Variants in DMXL1 observed in about 807,000 individuals in gnomAD.
DMXL1 encodes the protein Dmx like 1, also known as dmX-like protein 1.
A neutral mutation model predicts 319.2 loss-of-function variants in DMXL1; 99 were observed. The ratio of observed to expected loss-of-function variants is 0.31; its 90% CI spans 0.26 to 0.37. The LOEUF (loss-of-function observed/expected upper bound fraction) is 0.37, where lower values mean the gene tolerates loss of function less well. Among genes scored for constraint, DMXL1 ranks in the 10% least tolerant of loss-of-function variants. DMXL1 has a pLI of 1.00. For synonymous variants in DMXL1, 1,385 were observed against 1,235.2 expected (o/e 1.12, Z -2.54); for missense variants, 3,745 against 3,595.6 (o/e 1.04, Z -1.06).
intron 13 of DMXL1, among the ~76,000 whole-genome samples, chr5:119,134,942 G>C (rs1176852576): frequency 1.3e-5 from 2 of 152,104 alleles, no homozygotes; most frequent in Admixed American, 1.3e-4. Flanking sequence ...TTTTTCTTTT[G>C]GTATCCCCAG....
At chr5:119,171,378 T>A in intron 24 of DMXL1, 98 bp downstream of exon 24, 1 of 1,263,674 alleles carries the variant, frequency 7.9e-7, no homozygotes, top group Non-Finnish European at 1.1e-6. Flanking sequence ...TTTTCTTTAT[T>A]ACGGTTGCTT....
intron 9 of DMXL1, among the ~76,000 whole-genome samples, chr5:119,124,601 C>G (rs1763085102): frequency 7.9e-6 from 1 of 126,146 alleles, no homozygotes; most frequent in South Asian, 2.6e-4. Flanking sequence ...GAGTCTTGCT[C>G]TGTCGCCAAG....
chr5:119,121,871 C>CAATCTCGG (rs1762138613), intron 9 of DMXL1, among the ~76,000 whole-genome samples: 12 of 149,934 alleles, frequency 8.0e-5, no homozygotes, highest in Non-Finnish European at 1.5e-4. Flanking sequence ...GGCAGAGGCG[C>CAATCTCGG]CCCTCACCTC....
At chr5:119,175,144 A>G in intron 25 of DMXL1, 117 bp from the exon 26 acceptor site, 1 of 612,966 alleles carries the variant, frequency 1.6e-6, no homozygotes, top group Non-Finnish European at 2.7e-6. Context: ...TAGTTCATGA[A>G]GGCAAAGAAT....
chr5:119,175,155 CAAA>C (rs1461796676), intron 25 of DMXL1, 103 bp from the exon 26 acceptor site: 2 of 719,420 alleles, frequency 2.8e-6, no homozygotes, highest in East Asian at 3.1e-5. Context: ...GGCAAAGAAT[CAAA>C]AATTTTTTCA....
intron 4 of DMXL1, among the ~76,000 whole-genome samples, chr5:119,105,973 C>T (rs1261159979): frequency 6.6e-6 from 1 of 151,910 alleles, no homozygotes; most frequent in Non-Finnish European, 1.5e-5. Flanking sequence ...AAGCATCCTC[C>T]AAAATGATGG....
At chr5:119,114,962 C>T (rs907016069) in intron 6 of DMXL1, among the ~76,000 whole-genome samples, 4 of 152,174 alleles carry the variant, frequency 2.6e-5, no homozygotes, top group Non-Finnish European at 5.9e-5. Context: ...GCCACCATGC[C>T]CGGCCATTAA....
intron 26 of DMXL1, among the ~76,000 whole-genome samples, chr5:119,175,692 A>G (rs994879057): frequency 6.6e-6 from 1 of 152,170 alleles, no homozygotes; most frequent in Non-Finnish European, 1.5e-5. Context: ...AATATGGCAT[A>G]GTACTAAAAT....
intron 13 of DMXL1, among the ~76,000 whole-genome samples, chr5:119,135,176 T>TGG (rs147381337): frequency 1.1e-3 from 161 of 151,946 alleles, no homozygotes; most frequent in Non-Finnish European, 1.4e-3. Context: ...GTATATATTT[T>TGG]GGGGGGGGTC....
chr5:119,185,088 A>T (rs1272862700), intron 28 of DMXL1, among the ~76,000 whole-genome samples: 2 of 151,924 alleles, frequency 1.3e-5, no homozygotes, highest in African/African-American at 2.4e-5. Flanking sequence ...TCTTCTCCTT[A>T]CTTTCCTTCT....
Position 119,146,952 on chromosome 5 carries a change from A to G in DMXL1, c.2685A>G (p.Ser895=). ...TACATCTAAAGTCAATTCCTGTCTC[A>G]TTAGGTGAGTCTTTTGTGTGTGTGT... The part of the protein sequence containing the change: ...WNLHLKSIPV[S]LDEKVDTKLS... The change falls in exon 16 of 44, where the codon TCA becomes TCG. Residue 895 remains serine (S), a synonymous_variant. Coordinates refer to ENST00000539542, the MANE Select transcript of DMXL1 (RefSeq NM_001290321.3). 1 of 1,612,060 alleles carries G rather than the reference A, an allele frequency of 6.2e-7. No individual in the cohort carries two copies. The highest frequency in any genetic ancestry group is 8.5e-7 in the Non-Finnish European group (1 of 1,179,040).
chr5:119,215,189 T>C (rs912518019), intron 34 of DMXL1, among the ~76,000 whole-genome samples: 3 of 152,250 alleles, frequency 2.0e-5, no homozygotes, highest in African/African-American at 7.2e-5. Context: ...TAGATTAGAA[T>C]ATATTTGACT....
intron 10 of DMXL1, among the ~76,000 whole-genome samples, chr5:119,129,917 T>C (rs1022474398): frequency 7.2e-5 from 11 of 152,332 alleles, no homozygotes; most frequent in Admixed American, 7.2e-4. Context: ...GCTACCTTGA[T>C]TGACGCATAT....
At chr5:119,087,685 T>C (rs1753683048) in intron 1 of DMXL1, among the ~76,000 whole-genome samples, 1 of 152,218 alleles carries the variant, frequency 6.6e-6, no homozygotes, top group African/African-American at 2.4e-5. Flanking sequence ...GTGTATCGTT[T>C]AACTGATGTT....
At chr5:119,121,905 G>C (rs1316991616) in intron 9 of DMXL1, among the ~76,000 whole-genome samples, 7 of 137,312 alleles carry the variant, frequency 5.1e-5, no homozygotes, top group African/African-American at 1.3e-4. Context: ...CTGGCCGGGC[G>C]GGGGGCTGAC....
At chr5:119,107,118 C>G (rs1285445378) in intron 4 of DMXL1, among the ~76,000 whole-genome samples, 1 of 151,994 alleles carries the variant, frequency 6.6e-6, no homozygotes, top group Non-Finnish European at 1.5e-5. Context: ...GGGAGAATTG[C>G]TTGAGCCCAG....
intron 34 of DMXL1, among the ~76,000 whole-genome samples, chr5:119,210,241 G>A (rs557245081): frequency 1.3e-5 from 2 of 152,238 alleles, no homozygotes; most frequent in African/African-American, 2.4e-5. Flanking sequence ...GTGAACCACC[G>A]CAGCCGGCCA....
intron 37 of DMXL1, among the ~76,000 whole-genome samples, chr5:119,223,139 C>T (rs1394407811): frequency 6.6e-6 from 1 of 151,200 alleles, no homozygotes; most frequent in Non-Finnish European, 1.5e-5. Context: ...TCACTGCAAC[C>T]TCCACCCCAC....
At position 119,189,836 on chromosome 5, in the gene DMXL1, G is replaced by T; in HGVS notation, c.7264G>T (p.Glu2422Ter). 1 of 1,611,654 alleles carries T rather than the reference G, an allele frequency of 6.2e-7. No homozygotes were observed. Among genetic ancestry groups the T allele is most frequent in the Non-Finnish European group, 8.5e-7 (1 of 1,177,898 alleles). Residue 2422 changes from glutamate to a stop codon, truncating the protein, a stop_gained, in exon 29 of 44, where the codon GAA becomes TAA. Transcript: ENST00000539542. LOFTEE classifies it high-confidence loss of function. ...PVSQESLAVK[E>*]KFIPPELSIW... is the part of the protein sequence containing the mutation. ...AAGCCAGGAGTCACTGGCGGTTAAA[G>T]AAAAGTTCATCCCACCTGAGCTCAG...
Sources: gnomAD v4.1 joint callset for allele counts (sites outside exome capture counted in the v4.1 genomes callset) on GRCh38, gnomAD v4.1.1 for gene constraint, MANE v1.5 for transcripts, NCBI Gene and HGNC (gene_info 2026-07-23, HGNC 2026-07-21) for gene names.